CARF: variants seen among roughly 807,000 people sequenced by gnomAD.
The protein encoded by CARF is calcium-responsive transcription factor.
In CARF, 57 loss-of-function variants were observed where a neutral mutation model predicts 82.0. The observed-to-expected ratio is 0.70, with a 90% CI of 0.56 to 0.87. CARF has a LOEUF of 0.87. CARF is among the 40% of genes least tolerant of loss of function. CARF has a pLI of 0.00. For synonymous variants in CARF, 268 were observed against 290.1 expected, an observed-to-expected ratio of 0.92 and a Z score of 0.77; for missense variants, 771 against 855.8, an observed-to-expected ratio of 0.90 and a Z score of 1.24.
At chr2:202,957,660 A>G (rs2059114511) in intron 8 of CARF, among the ~76,000 whole-genome samples, 1 of 151,980 alleles carries the variant, frequency 6.6e-6, no homozygotes, top group Admixed American at 6.6e-5. Context: ...ATTCTTAATT[A>G]TTTACTAGCT....
chr2:202,981,964 A>G, intron 15 of CARF, 108 bp from the exon 16 acceptor site: 2 of 1,193,060 alleles, frequency 1.7e-6, no homozygotes, highest in Admixed American at 2.8e-5. Context: ...ATTTTTAACC[A>G]TACTCTTTTT....
chr2:202,958,074 C>G (rs566331653), intron 8 of CARF, among the ~76,000 whole-genome samples: 1 of 152,228 alleles, frequency 6.6e-6, no homozygotes, highest in East Asian at 1.9e-4. Context: ...GAATATTTAA[C>G]TATCAGAATG....
chr2:202,954,241 A>C, intron 7 of CARF, 107 bp downstream of exon 7: 2 of 1,266,952 alleles, frequency 1.6e-6, no homozygotes, highest in Middle Eastern at 3.9e-4. Flanking sequence ...AGAAGATAGA[A>C]GGAACTATCA....
chr2:202,957,904 C>T (rs2059124635), intron 8 of CARF, among the ~76,000 whole-genome samples: 1 of 151,832 alleles, frequency 6.6e-6, no homozygotes, highest in Admixed American at 6.6e-5. Context: ...CAACATCACG[C>T]CACTGCATTC....
chr2:202,965,775 G>C (rs1574727408), intron 9 of CARF, among the ~76,000 whole-genome samples: 1 of 152,118 alleles, frequency 6.6e-6, no homozygotes, highest in Admixed American at 6.5e-5. Context: ...TCCTACAGTA[G>C]TGTAAGATAT....
At chr2:202,974,021 G>A (rs2059924956) in intron 12 of CARF, among the ~76,000 whole-genome samples, 1 of 152,050 alleles carries the variant, frequency 6.6e-6, no homozygotes, top group Admixed American at 6.6e-5. Context: ...CCGGGAGGCA[G>A]AGGTTGCAGT....
At chr2:202,925,560 GA>G (rs1691644732) in intron 3 of CARF, 1 of 244,864 alleles carries the variant, frequency 4.1e-6, no homozygotes, top group African/African-American at 2.3e-5. Flanking sequence ...TGCGTCACAT[GA>G]AGACAGATCT....
At chr2:202,977,944 C>T (rs553612989) in intron 14 of CARF, among the ~76,000 whole-genome samples, 35 of 152,290 alleles carry the variant, frequency 2.3e-4, no homozygotes, top group African/African-American at 8.4e-4. Context: ...CTCCCGGGTT[C>T]AAGTGGTTCT....
intron 6 of CARF, among the ~76,000 whole-genome samples, chr2:202,952,945 T>C (rs2058824195): frequency 1.3e-5 from 2 of 152,190 alleles, no homozygotes; most frequent in African/African-American, 2.4e-5. Flanking sequence ...AAATAAATTA[T>C]TATTAATGAT....
Position 202,981,606 on chromosome 2 carries a change from G to C in CARF, c.1610G>C (p.Arg537Thr), listed in dbSNP as rs2060266366. ...ITTKVETNQT[R>T]GSLSPEPTHL... Reference sequence around the variant, plus strand: ...ACCAAAGTGGAAACAAATCAGACCAGGGGTTCTTTGTCTCCTGAGCCAACC... The same window carrying C: ...ACCAAAGTGGAAACAAATCAGACCACGGGTTCTTTGTCTCCTGAGCCAACC... Residue 537 changes from arginine (R) to threonine (T), a missense_variant, in exon 15 of 17, where the codon AGG becomes ACG. By Grantham distance (71) the Arg-to-Thr change is moderately conservative. Coordinates refer to ENST00000438828, the MANE Select transcript of CARF (RefSeq NM_024744.17). 6.2e-7 allele frequency: 1 copy of C among 1,610,778 alleles called. No homozygotes were observed. Among genetic ancestry groups the C allele is most frequent in the Admixed American group, 1.7e-5 (1 of 59,974 alleles).
In CARF at chr2:202,955,776, A is replaced by G. The variant is rs1451268623; in HGVS notation, c.642+18A>G. ...GCTGTGAGGTGAGTTATAAATAATC[A>G]TTACCTAGAATTACTTAACTGATTA... On this transcript the variant is annotated intron_variant, in intron 8 of 16. Transcript: ENST00000438828. 6.4e-7 allele frequency: 1 copy of G among 1,571,098 alleles called. No individual in the cohort carries two copies. Among genetic ancestry groups the G allele is most frequent in the Non-Finnish European group, 8.7e-7 (1 of 1,147,534 alleles).
rs566163221 is a variant in CARF, at chr2:202,943,002, G to A, written c.306+35G>A. 207 of 1,527,672 alleles carry A rather than the reference G, an allele frequency of 1.4e-4. 1 individual carries two copies. Among genetic ancestry groups the A allele is most frequent in the Middle Eastern group, 1.7e-4 (1 of 5,868 alleles). 94.6% of individuals were successfully genotyped at this position (1,527,672 alleles called of 1,614,324 possible). ...TTTTATAAGTAACCAGTTTTATGCC[G>A]TTTAGCAAAATGTATTAGTCTTACT... On this transcript the variant is annotated intron_variant, in intron 5 of 16. Transcript: ENST00000438828.
chr2:202,941,176 G>T (rs1305613125), intron 3 of CARF, among the ~76,000 whole-genome samples: 3 of 151,882 alleles, frequency 2.0e-5, no homozygotes, highest in African/African-American at 7.3e-5. Flanking sequence ...ACTTGATTAG[G>T]ATATAAGTGA....
chr2:202,967,253 T>C (rs1163225773), intron 10 of CARF, among the ~76,000 whole-genome samples, 155 bp downstream of exon 10: 3 of 152,226 alleles, frequency 2.0e-5, no homozygotes, highest in Non-Finnish European at 4.4e-5. Flanking sequence ...AAGCAACAAC[T>C]CTTACTAGTT....
At position 202,970,024 on chromosome 2, in the gene CARF, GC is replaced by G. The variant is rs1188568871; in HGVS notation, c.1060del (p.Leu354Ter). The G allele has an allele frequency of 6.3e-7, 1 of 1,575,598 alleles. No individual in the cohort carries two copies. The highest frequency in any genetic ancestry group is 2.0e-5 in the Admixed American group (1 of 49,112). On this transcript the variant is annotated frameshift_variant, in exon 11 of 17. Coordinates refer to ENST00000438828, the MANE Select transcript of CARF (RefSeq NM_024744.17). LOFTEE classifies it high-confidence loss of function. ...TGGAGCAGGAGAAAGCTTTTAACATGCTAAAGAAGAACTTGGTAGATGCTGG... is the reference window on the plus strand; with the variant it reads ...TGGAGCAGGAGAAAGCTTTTAACATGTAAAGAAGAACTTGGTAGATGCTGG... The part of the protein sequence containing the change: ...RMEQEKAFNM[L>X]KKNLVDAGGV...
Position 202,981,548 on chromosome 2 carries a change from A to C in CARF, c.1559-7A>C, listed in dbSNP as rs755836688. Reference sequence around the variant, plus strand: ...ATTATTTTAATAGTTTCTTTAATATAATTTAGGAAATTCACCAGGAGAATC... The same window carrying C: ...ATTATTTTAATAGTTTCTTTAATATCATTTAGGAAATTCACCAGGAGAATC... On this transcript the variant is annotated splice_region_variant and splice_polypyrimidine_tract_variant and intron_variant, in intron 14 of 16. Transcript: ENST00000438828. The C allele has an allele frequency of 2.6e-6, 4 of 1,564,450 alleles. No individual in the cohort carries two copies. In the East Asian group the frequency reaches 9.1e-5, roughly 36 times the overall value.
intron 8 of CARF, 142 bp downstream of exon 8, chr2:202,955,900 A>G: frequency 1.9e-6 from 1 of 515,918 alleles, no homozygotes; most frequent in Non-Finnish European, 3.4e-6. Context: ...GATCTCATCT[A>G]TTGTTGAATT....
intron 3 of CARF, among the ~76,000 whole-genome samples, chr2:202,932,586 T>C (rs1447736672): frequency 6.6e-6 from 1 of 152,020 alleles, no homozygotes; most frequent in Non-Finnish European, 1.5e-5. Context: ...GATGAAGCAC[T>C]GTGTAATAGT....
chr2:202,919,722 G>A (rs1263424506), intron 2 of CARF, among the ~76,000 whole-genome samples: 1 of 152,080 alleles, frequency 6.6e-6, no homozygotes, highest in Admixed American at 6.5e-5. Context: ...ACTAATAAAG[G>A]CAGAAGAGAG....
Sources: gnomAD v4.1 joint callset for allele counts (sites outside exome capture counted in the v4.1 genomes callset) on GRCh38, gnomAD v4.1.1 for gene constraint, MANE v1.5 for transcripts, NCBI Gene and HGNC (gene_info 2026-07-23, HGNC 2026-07-21) for gene names.